PTPRD: variants seen among roughly 807,000 people sequenced by gnomAD.
PTPRD encodes receptor-type tyrosine-protein phosphatase delta.
Under a neutral mutation model 214.5 loss-of-function variants are expected in PTPRD, and 34 were observed. That is an observed-to-expected ratio of 0.16 (90% CI 0.12 to 0.21). The LOEUF (loss-of-function observed/expected upper bound fraction) is 0.21, where lower values mean the gene tolerates loss of function less well. Ranked by LOEUF, PTPRD falls within the 10% of genes least tolerant of loss-of-function variation. The probability of loss-of-function intolerance (pLI) is 1.00; values close to 1 mark genes in which losing one functional copy is unlikely to be tolerated. For missense variants in PTPRD, 2,545 were observed against 2,398.7 expected, an observed-to-expected ratio of 1.06 and a Z score of -1.27; for synonymous variants, 1,128 against 845.7, an observed-to-expected ratio of 1.33 and a Z score of -5.79.
intron 11 of PTPRD, among the ~76,000 whole-genome samples, chr9:8,904,704 T>G (rs1341538014): frequency 6.6e-6 from 1 of 151,856 alleles, no homozygotes; most frequent in African/African-American, 2.4e-5. Flanking sequence ...TACATTTAGT[T>G]GGTCATGTTA....
At chr9:8,447,812 T>G (rs1000947136) in intron 34 of PTPRD, among the ~76,000 whole-genome samples, 2 of 152,128 alleles carry the variant, frequency 1.3e-5, no homozygotes, top group African/African-American at 2.4e-5. Context: ...ATGACATTTA[T>G]GTGAAAAACA....
At chr9:8,567,449 T>C (rs993201827) in intron 14 of PTPRD, among the ~76,000 whole-genome samples, 8 of 152,200 alleles carry the variant, frequency 5.3e-5, no homozygotes, top group Admixed American at 3.9e-4. Context: ...CATGGGCACA[T>C]GTCCTTCTTC....
At chr9:10,596,643 A>T (rs1000812836) in intron 2 of PTPRD, among the ~76,000 whole-genome samples, 1 of 151,614 alleles carries the variant, frequency 6.6e-6, no homozygotes, top group African/African-American at 2.4e-5. Context: ...ATGCTTCCAC[A>T]TTGAGTGTAA....
chr9:8,741,793 A>G (rs1232927519), intron 11 of PTPRD, among the ~76,000 whole-genome samples: 1 of 151,646 alleles, frequency 6.6e-6, no homozygotes, highest in Admixed American at 6.6e-5. Flanking sequence ...ATTTCACTAT[A>G]TTGGCCAGGC....
intron 3 of PTPRD, among the ~76,000 whole-genome samples, chr9:10,106,013 C>CAAAAA (rs35421883): frequency 8.8e-5 from 5 of 56,660 alleles, no homozygotes; most frequent in Non-Finnish European, 1.3e-4. Flanking sequence ...ATCACATATT[C>CAAAAA]AAAAAAAAAA....
At chr9:9,670,339 C>T (rs1167237124) in intron 7 of PTPRD, among the ~76,000 whole-genome samples, 2 of 151,972 alleles carry the variant, frequency 1.3e-5, no homozygotes, top group Non-Finnish European at 2.9e-5. Flanking sequence ...ACTTGGGTGC[C>T]ATTAAAGGCT....
intron 7 of PTPRD, among the ~76,000 whole-genome samples, chr9:9,587,219 A>T (rs2092133701): frequency 6.6e-6 from 1 of 152,004 alleles, no homozygotes; most frequent in African/African-American, 2.4e-5. Context: ...CCTAAATAAT[A>T]ATTATAATTG....
intron 3 of PTPRD, among the ~76,000 whole-genome samples, chr9:10,279,266 T>C (rs1033399014): frequency 1.3e-5 from 2 of 152,114 alleles, no homozygotes; most frequent in South Asian, 2.1e-4. Context: ...ATATTGAATG[T>C]AGAAAATGAG....
intron 5 of PTPRD, among the ~76,000 whole-genome samples, chr9:9,849,102 A>C (rs934873942): frequency 6.6e-6 from 1 of 151,858 alleles, no homozygotes; most frequent in Non-Finnish European, 1.5e-5. Flanking sequence ...ACATAGACAC[A>C]GGGTGGTCAC....
chr9:8,712,749 C>T (rs2098367813), intron 12 of PTPRD, among the ~76,000 whole-genome samples: 1 of 152,136 alleles, frequency 6.6e-6, no homozygotes, highest in Admixed American at 6.5e-5. Context: ...TGGACTTTCC[C>T]TCCTTGTTGC....
chr9:9,819,219 T>C (rs192331220), intron 5 of PTPRD, among the ~76,000 whole-genome samples: 3 of 152,276 alleles, frequency 2.0e-5, no homozygotes, highest in Admixed American at 2.0e-4. Flanking sequence ...AGGAAGTGTC[T>C]TCATTGATGT....
intron 2 of PTPRD, among the ~76,000 whole-genome samples, chr9:10,506,922 A>G (rs1209671251): frequency 6.6e-6 from 1 of 151,990 alleles, no homozygotes; most frequent in Non-Finnish European, 1.5e-5. Flanking sequence ...TATATTGAAT[A>G]CCCTTAATTT....
intron 11 of PTPRD, among the ~76,000 whole-genome samples, chr9:8,782,868 T>C (rs1023057053): frequency 6.6e-6 from 1 of 152,154 alleles, no homozygotes; most frequent in African/African-American, 2.4e-5. Flanking sequence ...AGGGCTGGGA[T>C]TACAGGCCTG....
chr9:10,108,180 T>C (rs561903146), intron 3 of PTPRD, among the ~76,000 whole-genome samples: 3 of 152,286 alleles, frequency 2.0e-5, no homozygotes, highest in East Asian at 3.9e-4. Context: ...TCTTTTGTCT[T>C]TATTTTTTAA....
chr9:10,161,308 C>G (rs2099125870), intron 3 of PTPRD, among the ~76,000 whole-genome samples: 1 of 151,770 alleles, frequency 6.6e-6, no homozygotes, highest in African/African-American at 2.4e-5. Flanking sequence ...TCAAAATATA[C>G]TAGGAAGCTA....
chr9:9,456,425 T>A (rs2093009023), intron 8 of PTPRD, among the ~76,000 whole-genome samples: 1 of 151,886 alleles, frequency 6.6e-6, no homozygotes, highest in Admixed American at 6.6e-5. Context: ...AATAAGTTGG[T>A]AAATGACAGA....
chr9:9,759,541 T>G (rs141435288), intron 6 of PTPRD, among the ~76,000 whole-genome samples: 2 of 150,838 alleles, frequency 1.3e-5, no homozygotes, highest in Non-Finnish European at 2.9e-5. Flanking sequence ...CATCTTCAAA[T>G]AGTCAAGGTC....
At chr9:9,048,726 A>C (rs933998940) in intron 10 of PTPRD, among the ~76,000 whole-genome samples, 2 of 152,162 alleles carry the variant, frequency 1.3e-5, no homozygotes, top group African/African-American at 4.8e-5. Flanking sequence ...CAGAGTAGAA[A>C]GAATGAATAA....
chr9:10,282,309 G>C (rs1375044298), intron 3 of PTPRD, among the ~76,000 whole-genome samples: 1 of 152,134 alleles, frequency 6.6e-6, no homozygotes, highest in African/African-American at 2.4e-5. Context: ...AATGCTTTTT[G>C]AGAATGAATG....
Sources: allele counts gnomAD v4.1 joint callset (sites outside exome capture counted in the v4.1 genomes callset), GRCh38; gene constraint gnomAD v4.1.1; transcripts MANE v1.5; gene names NCBI Gene and HGNC (gene_info 2026-07-23, HGNC 2026-07-21).